The following C6orf52 variants were observed in gnomAD, a reference collection of about 807,000 sequenced individuals.
The protein encoded by C6orf52 is chromosome 6 open reading frame 52.
Under a neutral mutation model 16.6 loss-of-function variants are expected in C6orf52, and 16 were observed. The ratio of observed to expected loss-of-function variants is 0.96; its 90% confidence interval spans 0.65 to 1.46. The LOEUF is 1.46. Ranked by LOEUF, C6orf52 falls within the 40% of genes most tolerant of loss-of-function variation. The probability of loss-of-function intolerance (pLI) is 0.00; values close to 1 mark genes in which losing one functional copy is unlikely to be tolerated. For synonymous variants in C6orf52, 53 were observed against 61.4 expected, an observed-to-expected ratio of 0.86 and a Z score of 0.64; for missense variants, 166 against 182.3, an observed-to-expected ratio of 0.91 and a Z score of 0.52.
chr6:10,690,355 C>T (rs1769184853), intron 1 of C6orf52, among the ~76,000 whole-genome samples: 2 of 152,150 alleles, frequency 1.3e-5, no homozygotes, highest in African/African-American at 2.4e-5. Context: ...TGGACAGGTT[C>T]AGGGCACGTA....
At chr6:10,684,952 A>G in intron 3 of C6orf52, 7 of 1,203,956 alleles carry the variant, frequency 5.8e-6, no homozygotes, top group South Asian at 1.4e-5. Flanking sequence ...ACATATTTAT[A>G]TAATTCTTGT....
intron 1 of C6orf52, among the ~76,000 whole-genome samples, chr6:10,690,613 C>G (rs1410411751): frequency 6.6e-6 from 1 of 152,178 alleles, no homozygotes; most frequent in Non-Finnish European, 1.5e-5. Flanking sequence ...AGAAGAAAAA[C>G]TAGCTTTTAC....
At chr6:10,680,912 T>A (rs1768324742) in intron 4 of C6orf52, among the ~76,000 whole-genome samples, 1 of 152,150 alleles carries the variant, frequency 6.6e-6, no homozygotes, top group Admixed American at 6.6e-5. Flanking sequence ...GCAATCCTCC[T>A]ATCTCAGCCT....
chr6:10,676,427 G>T (rs559568406), intron 4 of C6orf52, among the ~76,000 whole-genome samples: 9 of 152,170 alleles, frequency 5.9e-5, no homozygotes, highest in East Asian at 1.9e-4. Context: ...CTGTAAAACT[G>T]AACTGCAGAC....
chr6:10,672,461 G>C (rs1767516032), intron 4 of C6orf52: 1 of 578,326 alleles, frequency 1.7e-6, no homozygotes, highest in African/African-American at 1.9e-5. Context: ...TGGGAGGTTA[G>C]ATGAGGTCAT....
intron 1 of C6orf52, among the ~76,000 whole-genome samples, chr6:10,691,361 G>T (rs552067008): frequency 3.4e-4 from 51 of 152,208 alleles, no homozygotes; most frequent in African/African-American, 1.1e-3. Context: ...CAACTCTAAG[G>T]AGGTCCGTGT....
At chr6:10,672,616 G>C (rs1269188948) in intron 4 of C6orf52, 2 of 699,838 alleles carry the variant, frequency 2.9e-6, no homozygotes, top group Non-Finnish European at 5.2e-6. Flanking sequence ...AGATCAGCCT[G>C]GGCAACATAC....
intron 4 of C6orf52, among the ~76,000 whole-genome samples, chr6:10,672,138 G>A (rs781127860): frequency 3.3e-5 from 5 of 152,188 alleles, no homozygotes; most frequent in African/African-American, 4.8e-5. Context: ...ATGTTATTGC[G>A]AACGTATTAA....
At chr6:10,685,700 A>G (rs1221580615) in intron 3 of C6orf52, among the ~76,000 whole-genome samples, 1 of 152,212 alleles carries the variant, frequency 6.6e-6, no homozygotes, top group Non-Finnish European at 1.5e-5. Flanking sequence ...GAAAGAGGAT[A>G]TCAAAGTCAC....
At chr6:10,690,490 AGAG>A (rs966279916) in intron 1 of C6orf52, among the ~76,000 whole-genome samples, 2 of 152,202 alleles carry the variant, frequency 1.3e-5, no homozygotes, top group Non-Finnish European at 2.9e-5. Context: ...ACATTGAGAA[AGAG>A]GAGAATTCAG....
At chr6:10,683,910 T>C (rs983506461) in intron 3 of C6orf52, among the ~76,000 whole-genome samples, 1 of 152,208 alleles carries the variant, frequency 6.6e-6, no homozygotes, top group Non-Finnish European at 1.5e-5. Flanking sequence ...TTTTTAAGTA[T>C]GGCCAGCTAT....
At chr6:10,672,151 G>A (rs1307821333) in intron 4 of C6orf52, among the ~76,000 whole-genome samples, 3 of 152,196 alleles carry the variant, frequency 2.0e-5, no homozygotes, top group Non-Finnish European at 2.9e-5. Flanking sequence ...CGTATTAAAC[G>A]TGGATTTTCT....
intron 3 of C6orf52, among the ~76,000 whole-genome samples, chr6:10,683,645 A>G (rs1768602604): frequency 6.6e-6 from 1 of 152,230 alleles, no homozygotes. Context: ...TTAAGTCTCC[A>G]TGAGCACGTT....
intron 1 of C6orf52, among the ~76,000 whole-genome samples, chr6:10,687,878 G>GT (rs1347821536): frequency 2.0e-5 from 3 of 152,098 alleles, no homozygotes; most frequent in Non-Finnish European, 4.4e-5. Context: ...GAAGGGGTAG[G>GT]TATGTTGGTC....
At chr6:10,688,034 CTTTTTT>C (rs201095789) in intron 1 of C6orf52, among the ~76,000 whole-genome samples, 1 of 152,104 alleles carries the variant, frequency 6.6e-6, no homozygotes, top group Admixed American at 6.5e-5. Flanking sequence ...CTGGCTTTTT[CTTTTTT>C]TAATTCCACG....
intron 4 of C6orf52, among the ~76,000 whole-genome samples, chr6:10,680,044 G>A (rs1768238682): frequency 6.6e-6 from 1 of 152,194 alleles, no homozygotes; most frequent in Non-Finnish European, 1.5e-5. Flanking sequence ...CCTGAGCTCA[G>A]GAGTTCAAGA....
At chr6:10,686,300 C>T (rs1006321114) in intron 3 of C6orf52, among the ~76,000 whole-genome samples, 1 of 152,130 alleles carries the variant, frequency 6.6e-6, no homozygotes, top group Non-Finnish European at 1.5e-5. Context: ...CATCCCCTAA[C>T]CACCAAAACA....
Position 10,671,492 on chromosome 6 carries a change from T to G in C6orf52, c.423A>C (p.Thr141=), listed in dbSNP as rs1047707801. The G allele has an allele frequency of 3.2e-6, 5 of 1,550,138 alleles. No individual in the cohort carries two copies. The East Asian group carries it at 9.8e-5, about 30-fold the overall frequency. Residue 141 remains threonine, a synonymous_variant, in exon 5 of 5, where the codon ACA becomes ACC. Coordinates refer to ENST00000259983, the MANE Select transcript of C6orf52 (RefSeq NM_001145020.3). ...LMNCHWQPLD[T]VHSEIPDETP... ...TCTCATCTGGGATTTCGGAGTGAAC[T>G]GTGTCCAGAGGCTGCCAGTGGCAAT...
rs556052166 is a variant in C6orf52 at position 10,687,774 on chromosome 6, G to A, written c.-11-213C>T. Among the ~76,000 whole-genome samples the A allele has an allele frequency of 4.6e-5, 7 of 152,220 alleles. No homozygotes were observed. In the South Asian group the frequency reaches 1.5e-3, roughly 32 times the overall value. ...GAGGGGTGTACTGAGGCACCTGGGG[G>A]AACTTCTGCAATCTGTTCCTCGGGC... On this transcript the variant is annotated intron_variant, in intron 1 of 4. Transcript: ENST00000259983.
Sources: allele counts gnomAD v4.1 joint callset (sites outside exome capture counted in the v4.1 genomes callset), GRCh38; gene constraint gnomAD v4.1.1; transcripts MANE v1.5; gene names NCBI Gene and HGNC (gene_info 2026-07-23, HGNC 2026-07-21).